The following GBE1 variants were observed in gnomAD, a reference collection of about 807,000 sequenced individuals.
GBE1 encodes 1,4-alpha-glucan-branching enzyme.
GBE1 carries 70 observed loss-of-function variants against 88.8 expected under a neutral mutation model. The observed-to-expected ratio is 0.79, with a 90% CI of 0.65 to 0.96. GBE1 has a LOEUF of 0.96. GBE1 is among the 40% of genes least tolerant of loss of function. The pLI is 0.00. For missense variants in GBE1, 872 were observed against 871.0 expected (o/e 1.00, Z -0.01); for synonymous variants, 284 against 300.1 (o/e 0.95, Z 0.56).
chr3:81,523,909 CTT>C (rs1340962855), intron 14 of GBE1, among the ~76,000 whole-genome samples: 3 of 151,758 alleles, frequency 2.0e-5, no homozygotes, highest in African/African-American at 4.8e-5. Flanking sequence ...CTGATGGACA[CTT>C]AGGCTGATTC....
chr3:81,538,354 C>T (rs1559638247), intron 12 of GBE1, among the ~76,000 whole-genome samples: 3 of 151,898 alleles, frequency 2.0e-5, no homozygotes, highest in African/African-American at 7.2e-5. Flanking sequence ...CTTTTCAGGA[C>T]CACATTCATC....
At chr3:81,613,038 G>A (rs1704203068) in intron 7 of GBE1, 3 of 642,844 alleles carry the variant, frequency 4.7e-6, no homozygotes, top group South Asian at 1.8e-5. Context: ...TGAAGATGAT[G>A]AAGGGGAGGA....
At chr3:81,581,128 G>T in intron 11 of GBE1, 37 bp downstream of exon 11, 1 of 1,185,880 alleles carries the variant, frequency 8.4e-7, no homozygotes, top group Non-Finnish European at 1.2e-6. Flanking sequence ...AAGAGAGAGA[G>T]AGAGAAATAA....
chr3:81,720,380 A>C (rs577595336), intron 1 of GBE1, among the ~76,000 whole-genome samples: 10 of 150,224 alleles, frequency 6.7e-5, no homozygotes, highest in Admixed American at 4.6e-4. Context: ...ATATATATAT[A>C]TCTTATATAC....
intron 3 of GBE1, among the ~76,000 whole-genome samples, chr3:81,661,581 C>G (rs2107098126): frequency 6.6e-6 from 1 of 152,238 alleles, no homozygotes; most frequent in East Asian, 1.9e-4. Flanking sequence ...TCTTGGACAG[C>G]AGTTTTCAAC....
rs1702563126 is a variant in GBE1 at position 81,499,856 on chromosome 3, G to C, written c.1935-629C>G. Among the ~76,000 whole-genome samples the C allele has an allele frequency of 1.3e-5, 2 of 152,086 alleles. 1 individual carries two copies. The highest frequency in any genetic ancestry group is 4.1e-4 in the South Asian group (2 of 4,828). ...CAAAATTAATAAAAGCTATCATTATGTTCAAATTTATTAGGCTCAAAATGT... is the reference window on the plus strand; with the variant it reads ...CAAAATTAATAAAAGCTATCATTATCTTCAAATTTATTAGGCTCAAAATGT... On this transcript the variant is annotated intron_variant, in intron 14 of 15. Transcript: ENST00000429644.
intron 2 of GBE1, among the ~76,000 whole-genome samples, chr3:81,701,958 T>C (rs1346799606): frequency 7.0e-6 from 1 of 142,790 alleles, no homozygotes; most frequent in African/African-American, 2.6e-5. Context: ...TACCTGTAAC[T>C]AAAATAGTCT....
chr3:81,721,100 T>TA (rs2107189901), intron 1 of GBE1, among the ~76,000 whole-genome samples: 1 of 105,764 alleles, frequency 9.5e-6, no homozygotes, highest in East Asian at 3.3e-4. Flanking sequence ...TACCTAATGC[T>TA]AGATGACACA....
At chr3:81,550,344 C>A (rs146128769) in intron 12 of GBE1, among the ~76,000 whole-genome samples, 1 of 151,380 alleles carries the variant, frequency 6.6e-6, no homozygotes, top group East Asian at 1.9e-4. Context: ...TCCTCTCTAC[C>A]CTGAATGCAA....
intron 3 of GBE1, among the ~76,000 whole-genome samples, chr3:81,661,567 T>C (rs1705032580): frequency 1.3e-5 from 2 of 152,218 alleles, no homozygotes; most frequent in African/African-American, 2.4e-5. Flanking sequence ...GGCTTTTATA[T>C]GTATCTTGGA....
intron 1 of GBE1, among the ~76,000 whole-genome samples, chr3:81,757,136 A>G (rs1706614352): frequency 6.6e-6 from 1 of 152,180 alleles, no homozygotes; most frequent in African/African-American, 2.4e-5. Context: ...TGCATGTGGG[A>G]AATGGATATC....
intron 3 of GBE1, chr3:81,654,772 C>T (rs1261732164): frequency 2.0e-5 from 3 of 152,090 alleles, no homozygotes; most frequent in Non-Finnish European, 4.4e-5. Context: ...ATACTACTTC[C>T]ACTTCTTTTT....
intron 3 of GBE1, among the ~76,000 whole-genome samples, chr3:81,659,761 C>T (rs539460422): frequency 6.6e-6 from 1 of 152,162 alleles, no homozygotes; most frequent in East Asian, 1.9e-4. Context: ...GAAGACTACA[C>T]ACAGAATACA....
At chr3:81,525,788 C>T in intron 14 of GBE1, among the ~76,000 whole-genome samples, 1 of 151,990 alleles carries the variant, frequency 6.6e-6, no homozygotes, top group Non-Finnish European at 1.5e-5. Flanking sequence ...GGAATTTATC[C>T]ATTTCTTCTA....
intron 3 of GBE1, among the ~76,000 whole-genome samples, chr3:81,667,206 A>C (rs1004616813): frequency 1.1e-4 from 17 of 152,112 alleles, no homozygotes; most frequent in Non-Finnish European, 2.4e-4. Context: ...TCTTTGTAGC[A>C]ATTGTGAATG....
chr3:81,595,769 T>A (rs959327692), intron 7 of GBE1, among the ~76,000 whole-genome samples: 1 of 151,954 alleles, frequency 6.6e-6, no homozygotes, highest in South Asian at 2.1e-4. Flanking sequence ...ATTCTACTCT[T>A]GACCAAAACA....
intron 7 of GBE1, among the ~76,000 whole-genome samples, chr3:81,638,743 A>G (rs909892945): frequency 2.0e-5 from 3 of 152,178 alleles, no homozygotes; most frequent in Non-Finnish European, 4.4e-5. Flanking sequence ...GAAATAGCAC[A>G]GTCAGGATCT....
chr3:81,635,827 C>A (rs1026863641), intron 7 of GBE1, among the ~76,000 whole-genome samples: 1 of 152,134 alleles, frequency 6.6e-6, no homozygotes, highest in Non-Finnish European at 1.5e-5. Context: ...TGTTTTAGGG[C>A]AATGAGCAGC....
At chr3:81,607,697 A>T (rs945743977) in intron 7 of GBE1, among the ~76,000 whole-genome samples, 12 of 151,954 alleles carry the variant, frequency 7.9e-5, no homozygotes, top group Admixed American at 5.9e-4. Flanking sequence ...TATTTATGTA[A>T]TTTTGTCAAA....
Sources: allele counts gnomAD v4.1 joint callset (sites outside exome capture counted in the v4.1 genomes callset), GRCh38; gene constraint gnomAD v4.1.1; transcripts MANE v1.5; gene names NCBI Gene and HGNC (gene_info 2026-07-23, HGNC 2026-07-21).